PDCL2: variants seen among roughly 807,000 people sequenced by gnomAD.
The protein encoded by PDCL2 is phosducin-like protein 2.
In PDCL2, 23 loss-of-function variants were observed where a neutral mutation model predicts 30.3. The ratio of observed to expected loss-of-function variants is 0.76; its 90% CI spans 0.55 to 1.08. The LOEUF (loss-of-function observed/expected upper bound fraction) is 1.08. Among genes scored for constraint, PDCL2 ranks in the 50% least tolerant of loss-of-function variants. PDCL2 has a pLI of 0.00. For missense variants in PDCL2, 243 were observed against 282.3 expected, an observed-to-expected ratio of 0.86 and a Z score of 1.00; for synonymous variants, 68 against 86.2, an observed-to-expected ratio of 0.79 and a Z score of 1.17.
rs1399577271 is a variant in PDCL2 at position 55,592,116 on chromosome 4, C to T, written c.-7G>A. 3.1e-6 allele frequency: 5 copies of T among 1,609,560 alleles called. No homozygotes were observed. Among genetic ancestry groups the T allele is most frequent in the Non-Finnish European group, 4.2e-6 (5 of 1,178,586 alleles). On this transcript the variant is annotated 5_prime_UTR_variant, in exon 1 of 6. Transcript: ENST00000295645. Reference sequence around the variant, plus strand: ...TCCCGACCCTCACCTGCATGATGCGCTGCTCTGCCCCTCAAGAGCCCGCGT... The same window carrying T: ...TCCCGACCCTCACCTGCATGATGCGTTGCTCTGCCCCTCAAGAGCCCGCGT...
rs1396812411 is a variant in PDCL2, at chr4:55,562,574, AG to A, written c.400del (p.Leu134PhefsTer2). 14 of 1,603,690 alleles carry A rather than the reference AG, an allele frequency of 8.7e-6. No homozygotes were observed. The East Asian group carries it at 2.9e-4, about 34-fold the overall frequency. ...MCLLVNQHLS[L>X]LARKFPETKF... ...AGTTTCTGGAAACTTTCTTGCTAGA[AG>A]ACTAAGATGCTGGTTAACCAACAAA... On this transcript the variant is annotated frameshift_variant, in exon 5 of 6. Transcript: ENST00000295645. LOFTEE classifies it high-confidence loss of function.
intron 2 of PDCL2, among the ~76,000 whole-genome samples, chr4:55,581,475 C>T (rs937997007): frequency 3.3e-5 from 5 of 152,098 alleles, no homozygotes; most frequent in African/African-American, 1.2e-4. Flanking sequence ...TTTAGATTTC[C>T]CTCAAGTACC....
chr4:55,563,199 A>G (rs151198234), intron 4 of PDCL2, among the ~76,000 whole-genome samples: 2 of 152,278 alleles, frequency 1.3e-5, no homozygotes, highest in Non-Finnish European at 2.9e-5. Flanking sequence ...CTTAATTCTC[A>G]TCACACTCCT....
intron 3 of PDCL2, among the ~76,000 whole-genome samples, chr4:55,574,507 G>GC (rs1247805619): frequency 6.6e-6 from 1 of 152,188 alleles, no homozygotes; most frequent in African/African-American, 2.4e-5. Flanking sequence ...AGATTATGTA[G>GC]CCCCTAATGA....
intron 3 of PDCL2, among the ~76,000 whole-genome samples, chr4:55,578,110 T>A (rs1468516723): frequency 6.6e-6 from 1 of 152,192 alleles, no homozygotes; most frequent in Admixed American, 6.5e-5. Context: ...ACTGGCTTTC[T>A]ATATTTTCCC....
At chr4:55,575,832 C>T (rs1732553687) in intron 3 of PDCL2, among the ~76,000 whole-genome samples, 1 of 152,094 alleles carries the variant, frequency 6.6e-6, no homozygotes, top group Non-Finnish European at 1.5e-5. Context: ...CAAAACTATG[C>T]TTCAAGAATG....
At position 55,576,920 on chromosome 4, in the gene PDCL2, C is replaced by T. The variant is rs535421486; in HGVS notation, c.218+3901G>A. On this transcript the variant is annotated intron_variant, in intron 3 of 5. Transcript: ENST00000295645. ...TCTCAGTCCTTTTTTTTTTTTGAGA[C>T]GGAGTCTTGCTCTGTCGCCCAGGCT... Among the ~76,000 whole-genome samples, 76 of 147,002 alleles carry T rather than the reference C, an allele frequency of 5.2e-4. No homozygotes were observed. The South Asian group carries it at 0.014, about 27-fold the overall frequency.
chr4:55,584,739 T>C (rs770872043), intron 1 of PDCL2, among the ~76,000 whole-genome samples: 3 of 152,214 alleles, frequency 2.0e-5, no homozygotes, highest in Non-Finnish European at 4.4e-5. Flanking sequence ...TTATTTCTCT[T>C]GCTTACTTGC....
intron 4 of PDCL2, among the ~76,000 whole-genome samples, chr4:55,565,388 G>T (rs1167856590): frequency 1.3e-5 from 2 of 152,146 alleles, no homozygotes; most frequent in Admixed American, 1.3e-4. Flanking sequence ...AGTTCAGTAT[G>T]GCTGGGGAGG....
chr4:55,569,940 G>T, intron 3 of PDCL2, 79 bp from the exon 4 acceptor site: 1 of 1,093,520 alleles, frequency 9.1e-7, no homozygotes, highest in Non-Finnish European at 1.3e-6. Context: ...TAACAATTTA[G>T]GGCAATGAAT....
At chr4:55,590,568 C>A (rs1456153327) in intron 1 of PDCL2, among the ~76,000 whole-genome samples, 1 of 151,832 alleles carries the variant, frequency 6.6e-6, no homozygotes, top group East Asian at 1.9e-4. Flanking sequence ...CTCACTGCAT[C>A]CTCCGCCTCC....
chr4:55,566,283 G>C (rs1044959780), intron 4 of PDCL2, among the ~76,000 whole-genome samples: 8 of 149,550 alleles, frequency 5.3e-5, no homozygotes. Flanking sequence ...AGCCTGGCCA[G>C]TAAATCCACT....
At chr4:55,580,110 G>A (rs1039003648) in intron 3 of PDCL2, among the ~76,000 whole-genome samples, 3 of 151,598 alleles carry the variant, frequency 2.0e-5, no homozygotes, top group African/African-American at 7.3e-5. Flanking sequence ...GCCTCCCAAA[G>A]TGCTAGGATT....
intron 5 of PDCL2, 34 bp from the exon 6 acceptor site, chr4:55,556,745 C>A: frequency 6.9e-7 from 1 of 1,456,178 alleles, no homozygotes; most frequent in South Asian, 1.4e-5. Flanking sequence ...AGTTAAAAAT[C>A]TTGAAAAAAT....
chr4:55,570,674 C>T (rs1732398191), intron 3 of PDCL2, among the ~76,000 whole-genome samples: 1 of 152,084 alleles, frequency 6.6e-6, no homozygotes, highest in African/African-American at 2.4e-5. Context: ...ATGTTGCTAC[C>T]TATTTATCTA....
chr4:55,580,954 T>G, intron 2 of PDCL2, 43 bp from the exon 3 acceptor site: 6 of 1,460,208 alleles, frequency 4.1e-6, no homozygotes, highest in South Asian at 1.3e-5. Flanking sequence ...GTTTAAAAAT[T>G]TTTTTACTAT....
chr4:55,574,875 T>C (rs558805452), intron 3 of PDCL2, among the ~76,000 whole-genome samples: 2 of 152,228 alleles, frequency 1.3e-5, no homozygotes, highest in Non-Finnish European at 2.9e-5. Flanking sequence ...GTGAATAATG[T>C]TGCTATGGCC....
At chr4:55,592,032 G>A (rs1212596250) in intron 1 of PDCL2, 72 bp downstream of exon 1, 3 of 1,580,610 alleles carry the variant, frequency 1.9e-6, no homozygotes, top group Admixed American at 1.8e-5. Flanking sequence ...CCCCATTTGT[G>A]TCCCTTGGCT....
chr4:55,584,509 G>A (rs754980547), intron 1 of PDCL2, among the ~76,000 whole-genome samples: 5 of 152,022 alleles, frequency 3.3e-5, no homozygotes, highest in African/African-American at 9.7e-5. Context: ...CACCCATCTC[G>A]GCCTCTCAAA....
Sources: allele counts gnomAD v4.1 joint callset (sites outside exome capture counted in the v4.1 genomes callset), GRCh38; gene constraint gnomAD v4.1.1; transcripts MANE v1.5; gene names NCBI Gene and HGNC (gene_info 2026-07-23, HGNC 2026-07-21).